Variants in DENND2B observed in about 807,000 individuals in gnomAD.
DENND2B encodes DENN domain-containing protein 2B.
In DENND2B, 32 loss-of-function variants were observed where a neutral mutation model predicts 116.0. The ratio of observed to expected loss-of-function variants is 0.28; its 90% CI spans 0.21 to 0.37. The LOEUF (loss-of-function observed/expected upper bound fraction) is 0.37, where lower values mean the gene tolerates loss of function less well. Among genes scored for constraint, DENND2B ranks in the 10% least tolerant of loss-of-function variants. The pLI, the probability that DENND2B is intolerant of heterozygous loss-of-function variation, is 1.00. For synonymous variants in DENND2B, 588 were observed against 583.9 expected (o/e 1.01, Z -0.10); for missense variants, 1,276 against 1,477.7 (o/e 0.86, Z 2.24).
intron 1 of DENND2B, among the ~76,000 whole-genome samples, chr11:8,804,906 G>C (rs1163809716): frequency 1.3e-5 from 2 of 152,154 alleles, no homozygotes; most frequent in South Asian, 4.1e-4. Flanking sequence ...ACCTGTTTGA[G>C]AGACACCAGC....
intron 4 of DENND2B, chr11:8,718,933 G>A: frequency 6.1e-6 from 6 of 988,056 alleles, no homozygotes; most frequent in Non-Finnish European, 7.2e-6. Context: ...GAATCCGTGG[G>A]GTGAACAGGT....
intron 3 of DENND2B, among the ~76,000 whole-genome samples, chr11:8,845,973 A>G (rs547808618): frequency 6.6e-6 from 1 of 152,336 alleles, no homozygotes; most frequent in African/African-American, 2.4e-5. Context: ...GACTGAATCA[A>G]GTCCCTTCAG....
intron 1 of DENND2B, among the ~76,000 whole-genome samples, chr11:8,897,102 T>TA (rs397732070): frequency 1.3e-4 from 19 of 150,458 alleles, no homozygotes; most frequent in South Asian, 4.2e-4. Context: ...TTTTTTTTTT[T>TA]AAAAACTAGC....
chr11:8,842,200 A>G lies in DENND2B; in HGVS notation c.-155-2850T>C, dbSNP rs577633140. Among the ~76,000 whole-genome samples the G allele has an allele frequency of 3.9e-5, 6 of 152,282 alleles. No homozygotes were observed. The South Asian group carries it at 6.2e-4, about 16-fold the overall frequency. On this transcript the variant is annotated intron_variant, in intron 3 of 6. Transcript: ENST00000524757. ...GACAGGTTTCTCTCCTGTCCTCCCA[A>G]AAAAGATAGGCTTTTTAGAGACTTT...
At chr11:8,771,504 G>T (rs1323287624) in intron 1 of DENND2B, among the ~76,000 whole-genome samples, 1 of 114,810 alleles carries the variant, frequency 8.7e-6, no homozygotes, top group Admixed American at 9.2e-5. Flanking sequence ...ATATAATAAG[G>T]AATATATATA....
intron 1 of DENND2B, among the ~76,000 whole-genome samples, chr11:8,767,947 G>A (rs1444146357): frequency 6.6e-6 from 1 of 152,164 alleles, no homozygotes; most frequent in African/African-American, 2.4e-5. Flanking sequence ...GGAATGGCAA[G>A]CCACTGGCAG....
At chr11:8,818,262 C>CTAATAA (rs58590869) in intron 4 of DENND2B, among the ~76,000 whole-genome samples, 6,077 of 145,926 alleles carry the variant, frequency 0.042, 226 homozygotes, top group African/African-American at 0.085. Context: ...GACTCTGTCT[C>CTAATAA]TAATAATAAT....
rs950036567 is a variant in DENND2B at position 8,820,100 on chromosome 11, A to G, written c.-114-8765T>C. On this transcript the variant is annotated intron_variant, in intron 4 of 6. Transcript: ENST00000524757. ...GACTGACTCAAGTTTGGGAAGCACT[A>G]AAGTATTTACCCTACACCCAAGAAA... Among the ~76,000 whole-genome samples the G allele has an allele frequency of 3.9e-5, 6 of 152,254 alleles. No individual in the cohort carries two copies. The East Asian group carries it at 5.8e-4, about 15-fold the overall frequency.
chr11:8,836,409 ACTTCT>A (rs2062427485), intron 4 of DENND2B, among the ~76,000 whole-genome samples: 1 of 120,232 alleles, frequency 8.3e-6, no homozygotes, highest in Non-Finnish European at 1.7e-5. Flanking sequence ...ATCCTTCTGT[ACTTCT>A]TTTTTTTTTT....
chr11:8,727,958 TACACAAAC>T (rs1565745610), intron 3 of DENND2B, among the ~76,000 whole-genome samples: 3 of 117,980 alleles, frequency 2.5e-5, no homozygotes, highest in African/African-American at 9.8e-5. Context: ...GCTTGCATTT[TACACAAAC>T]ACACACACAC....
chr11:8,902,729 A>G (rs1435876414), intron 1 of DENND2B, among the ~76,000 whole-genome samples: 1 of 152,200 alleles, frequency 6.6e-6, no homozygotes, highest in Non-Finnish European at 1.5e-5. Flanking sequence ...TATTATGCTT[A>G]TAGTTTACAT....
chr11:8,716,046 A>C (rs1345011320), intron 5 of DENND2B, among the ~76,000 whole-genome samples: 1 of 152,234 alleles, frequency 6.6e-6, no homozygotes, highest in Non-Finnish European at 1.5e-5. Context: ...GCCAGCAAAA[A>C]ACGAAAGCAG....
intron 2 of DENND2B, among the ~76,000 whole-genome samples, chr11:8,733,886 CATAAA>C (rs746260619): frequency 1.4e-4 from 22 of 152,228 alleles, no homozygotes; most frequent in African/African-American, 2.7e-4. Context: ...TCTCATGCAG[CATAAA>C]ATAGAGAGTA....
In DENND2B at chr11:8,718,094, C is replaced by CCACCCCCG. The variant is rs1323494994; in HGVS notation, c.1478-203_1478-202insCGGGGGTG. On this transcript the variant is annotated intron_variant, in intron 4 of 19. Transcript: ENST00000313726. ...CCTGGCTCCAAGTCCAGAAGCAGAC[C>CCACCCCCG]CACCCCCCCACCCCCCCCAACCCCC... 7.8e-5 allele frequency: 17 copies of CCACCCCCG among 216,998 alleles called. 2 individuals are homozygous for CCACCCCCG. The highest frequency in any genetic ancestry group is 2.9e-4 in the African/African-American group (10 of 34,882). The allele number at this position is 216,998 out of a possible 1,614,324, so 13.4% of individuals were successfully genotyped here. A position where few individuals can be genotyped will look rare whatever the true frequency, so the allele number is the denominator to read the frequency against.
At chr11:8,727,704 C>A (rs2133906264) in intron 3 of DENND2B, among the ~76,000 whole-genome samples, 1 of 152,200 alleles carries the variant, frequency 6.6e-6, no homozygotes, top group Admixed American at 6.5e-5. Flanking sequence ...AAATGTTGGC[C>A]CAGGACCAGA....
chr11:8,835,834 A>T (rs185221393), intron 4 of DENND2B: 2 of 152,276 alleles, frequency 1.3e-5, no homozygotes, highest in Non-Finnish European at 2.9e-5. Flanking sequence ...CTTCAACCAG[A>T]CATCGTTGGC....
intron 1 of DENND2B, among the ~76,000 whole-genome samples, chr11:8,769,585 T>C (rs2056502219): frequency 6.6e-6 from 1 of 152,050 alleles, no homozygotes; most frequent in Non-Finnish European, 1.5e-5. Flanking sequence ...AAAACTCCCA[T>C]AAGCGTCTCG....
intron 1 of DENND2B, among the ~76,000 whole-genome samples, chr11:8,802,799 A>T (rs1393726433): frequency 6.6e-6 from 1 of 152,306 alleles, no homozygotes; most frequent in Non-Finnish European, 1.5e-5. Flanking sequence ...CTGTTAACCA[A>T]AATTTTCCCA....
At chr11:8,734,774 A>G (rs1158009160) in intron 2 of DENND2B, among the ~76,000 whole-genome samples, 3 of 131,250 alleles carry the variant, frequency 2.3e-5, no homozygotes, top group African/African-American at 8.2e-5. Flanking sequence ...GGGCAGCAAG[A>G]GTGAAAACAA....
Sources: gnomAD v4.1 joint callset for allele counts (sites outside exome capture counted in the v4.1 genomes callset) on GRCh38, gnomAD v4.1.1 for gene constraint, MANE v1.5 for transcripts, NCBI Gene and HGNC (gene_info 2026-07-23, HGNC 2026-07-21) for gene names.